The following JMJD1C variants were observed in gnomAD, a reference collection of about 807,000 sequenced individuals.
JMJD1C encodes the protein jumonji domain-containing protein 1C.
In JMJD1C, 31 loss-of-function variants were observed where a neutral mutation model predicts 245.3. The observed-to-expected ratio is 0.13, with a 90% confidence interval of 0.09 to 0.17. The LOEUF (loss-of-function observed/expected upper bound fraction) is 0.17, where lower values mean the gene tolerates loss of function less well. Among genes scored for constraint, JMJD1C ranks in the 10% least tolerant of loss-of-function variants. The pLI, the probability that JMJD1C is intolerant of heterozygous loss-of-function variation, is 1.00. For synonymous variants in JMJD1C, 1,057 were observed against 1,017.4 expected (o/e 1.04, Z -0.74); for missense variants, 2,691 against 3,000.2 (o/e 0.90, Z 2.41).
At chr10:63,239,375 A>G (rs1346862527) in intron 3 of JMJD1C, among the ~76,000 whole-genome samples, 5 of 152,174 alleles carry the variant, frequency 3.3e-5, no homozygotes, top group Admixed American at 2.0e-4. Flanking sequence ...AAGCAAAGTT[A>G]AAGAGGCAGA....
intron 2 of JMJD1C, among the ~76,000 whole-genome samples, chr10:63,292,144 A>AT (rs573065816): frequency 0.013 from 740 of 56,346 alleles, 128 homozygotes; most frequent in African/African-American, 0.044. Context: ...GTAGAGACAG[A>AT]TTTTTTTTTT....
chr10:63,427,036 C>A (rs943994094), intron 1 of JMJD1C, among the ~76,000 whole-genome samples: 2 of 152,164 alleles, frequency 1.3e-5, no homozygotes, highest in Admixed American at 6.5e-5. Flanking sequence ...AAATAAGTAT[C>A]ATGGTTTATA....
upstream of JMJD1C, among the ~76,000 whole-genome samples, chr10:63,467,921 A>G (rs1242986857): frequency 1.3e-5 from 2 of 152,220 alleles, no homozygotes; most frequent in African/African-American, 2.4e-5. Context: ...TTTGAGAAAA[A>G]CATGCAAATT....
chr10:63,263,799 G>A (rs535668761), intron 3 of JMJD1C, among the ~76,000 whole-genome samples: 1 of 152,054 alleles, frequency 6.6e-6, no homozygotes, highest in African/African-American at 2.4e-5. Flanking sequence ...GGGCGTGGTG[G>A]TGTGTGCCTG....
intron 1 of JMJD1C, among the ~76,000 whole-genome samples, chr10:63,499,610 A>G (rs1401896051): frequency 6.6e-6 from 1 of 152,192 alleles, no homozygotes; most frequent in Non-Finnish European, 1.5e-5. Flanking sequence ...AACAGTTTAG[A>G]GAATACTGAA....
At chr10:63,314,791 G>T (rs1213689975) in intron 2 of JMJD1C, among the ~76,000 whole-genome samples, 1 of 151,942 alleles carries the variant, frequency 6.6e-6, no homozygotes, top group African/African-American at 2.4e-5. Flanking sequence ...GGGATTATAG[G>T]CATGCACCAC....
Position 63,208,022 on chromosome 10 carries a change from C to A in JMJD1C, c.3647G>T (p.Ser1216Ile). The A allele has an allele frequency of 6.2e-7, 1 of 1,614,142 alleles. No homozygotes were observed. The highest frequency in any genetic ancestry group is 2.2e-5 in the East Asian group (1 of 44,880). Residue 1216 changes from serine (S) to isoleucine (I), a missense_variant, in exon 10 of 26, where the codon AGC becomes ATC. Around this residue, in one of 9 missense-constraint regions of JMJD1C, gnomAD observed 1,562 missense variants for 1,490.7 expected, o/e 1.05. Coordinates refer to ENST00000399262, the MANE Select transcript of JMJD1C (RefSeq NM_032776.3). ...ATAGCTGCCTTCCTTTCTTTCCAGG[C>A]TGTGATGGATTGGTGGGTGAAATAC... ...APVFHPPIHH[S>I]LERKEGSYSS...
intron 1 of JMJD1C, among the ~76,000 whole-genome samples, chr10:63,446,276 T>C (rs1214210261): frequency 6.6e-6 from 1 of 152,144 alleles, no homozygotes; most frequent in Non-Finnish European, 1.5e-5. Context: ...GCAAGGGACC[T>C]AAACTAGAAG....
chr10:63,216,791 A>T (rs982511156), intron 5 of JMJD1C, among the ~76,000 whole-genome samples: 7 of 152,198 alleles, frequency 4.6e-5, no homozygotes, highest in Non-Finnish European at 1.0e-4. Flanking sequence ...TTAATTGAGC[A>T]TACCAACACT....
intron 1 of JMJD1C, among the ~76,000 whole-genome samples, chr10:63,429,143 C>G (rs10761764): frequency 0.66 from 100,838 of 151,978 alleles, 36,235 homozygotes; most frequent in Non-Finnish European, 0.81. Context: ...ACCACACCTG[C>G]CTAATTTTAT....
chr10:63,168,363 G>T, intron 25 of JMJD1C, 72 bp downstream of exon 25: 1 of 1,455,788 alleles, frequency 6.9e-7, no homozygotes, highest in Non-Finnish European at 9.3e-7. Flanking sequence ...GACTGCCTAA[G>T]CTGTTATACA....
chr10:63,342,740 T>A (rs1943485903), intron 2 of JMJD1C, among the ~76,000 whole-genome samples: 1 of 152,230 alleles, frequency 6.6e-6, no homozygotes, highest in Non-Finnish European at 1.5e-5. Flanking sequence ...AGAAAATGAT[T>A]ACTTATCAAT....
At chr10:63,323,901 C>G (rs958988917) in intron 2 of JMJD1C, among the ~76,000 whole-genome samples, 11 of 152,020 alleles carry the variant, frequency 7.2e-5, no homozygotes, top group Non-Finnish European at 1.6e-4. Context: ...GATCTGCAGC[C>G]CACAAGCTGG....
chr10:63,424,275 C>T lies in JMJD1C; in HGVS notation c.168+41220G>A, dbSNP rs146855335. 5.8e-3 allele frequency among the ~76,000 whole-genome samples: 879 copies of T among 150,908 alleles called. 4 individuals are homozygous for T. Among genetic ancestry groups the T allele is most frequent in the African/African-American group, 0.016 (653 of 41,112 alleles). On this transcript the variant is annotated intron_variant, in intron 1 of 25. Transcript: ENST00000399262. ...AGAGACAGTGTCTCGCCATATTGCC[C>T]ACGCTGGTCTTGAACTCCTGATCTC... is the stretch of plus-strand genomic sequence containing the variant.
intron 1 of JMJD1C, among the ~76,000 whole-genome samples, chr10:63,461,352 A>C (rs997163650): frequency 6.6e-6 from 1 of 152,216 alleles, no homozygotes; most frequent in African/African-American, 2.4e-5. Flanking sequence ...CAGACCAGAA[A>C]TCAGCATTTT....
rs757837342 is a variant in JMJD1C, at chr10:63,215,572, T to A, written c.803A>T (p.Gln268Leu). 2.9e-5 allele frequency: 46 copies of A among 1,609,870 alleles called. 1 individual carries two copies. The South Asian group carries it at 4.4e-4, about 15-fold the overall frequency. The change falls in exon 6 of 26, where the codon CAA becomes CTA. Residue 268 changes from glutamine to leucine, a missense_variant. Physicochemically the swap from Gln to Leu is moderately radical, Grantham distance 113. Around this residue, in one of 9 missense-constraint regions of JMJD1C, gnomAD observed 172 missense variants for 240.8 expected, o/e 0.71. Coordinates refer to ENST00000399262, the MANE Select transcript of JMJD1C (RefSeq NM_032776.3). ...ITSRRRSRAN[Q>L]NVNAVHSHYT... ...ACATACGTGAACAGCGTTGACGTTT[T>A]GATTGGCACGAGACCTGCGTCGTGA...
intron 22 of JMJD1C, among the ~76,000 whole-genome samples, chr10:63,178,091 C>G (rs764528011): frequency 6.6e-6 from 1 of 152,172 alleles, no homozygotes; most frequent in Non-Finnish European, 1.5e-5. Flanking sequence ...CAGGTGCAAG[C>G]TGTCACACCC....
chr10:63,457,708 C>T (rs184995369), intron 1 of JMJD1C, among the ~76,000 whole-genome samples: 2 of 152,200 alleles, frequency 1.3e-5, no homozygotes, highest in South Asian at 2.1e-4. Context: ...AAGGGAATTT[C>T]GGGTTTTTAC....
intron 1 of JMJD1C, among the ~76,000 whole-genome samples, chr10:63,389,305 C>T (rs1295027513): frequency 8.3e-6 from 1 of 120,704 alleles, no homozygotes; most frequent in African/African-American, 3.1e-5. Context: ...AAGTGAGACC[C>T]TGTCTCAAAA....
Sources: gnomAD v4.1 joint callset for allele counts (sites outside exome capture counted in the v4.1 genomes callset) on GRCh38, gnomAD v4.1.1 for gene constraint, gnomAD v4.1.1 regional missense constraint, MANE v1.5 for transcripts, NCBI Gene and HGNC (gene_info 2026-07-23, HGNC 2026-07-21) for gene names.